BACH2: variants seen among roughly 807,000 people sequenced by gnomAD.
BACH2 encodes the protein BACH transcriptional regulator 2.
In BACH2, 5 loss-of-function variants were observed where a neutral mutation model predicts 61.8. The ratio of observed to expected loss-of-function variants is 0.08; its 90% CI spans 0.04 to 0.17. BACH2 has a LOEUF of 0.17. BACH2 is among the 10% of genes least tolerant of loss of function. BACH2 has a pLI of 1.00. For synonymous variants in BACH2, 446 were observed against 440.1 expected (o/e 1.01, Z -0.17); for missense variants, 824 against 1,091.1 (o/e 0.76, Z 3.45).
At chr6:89,948,669 A>T (rs1373088647) in intron 7 of BACH2, among the ~76,000 whole-genome samples, 1 of 152,200 alleles carries the variant, frequency 6.6e-6, no homozygotes, top group African/African-American at 2.4e-5. Context: ...AACAAAAGGA[A>T]AACCTCACAA....
intron 4 of BACH2, among the ~76,000 whole-genome samples, chr6:90,206,284 G>A (rs1053517104): frequency 6.6e-6 from 1 of 152,096 alleles, no homozygotes; most frequent in African/African-American, 2.4e-5. Flanking sequence ...TAGCCCCAGA[G>A]TCTCAATATT....
At chr6:90,189,469 G>A (rs563285180) in intron 4 of BACH2, among the ~76,000 whole-genome samples, 15 of 152,112 alleles carry the variant, frequency 9.9e-5, no homozygotes, top group African/African-American at 2.6e-4. Flanking sequence ...TTAGCCGGGC[G>A]CGGTGGCGGG....
At chr6:90,100,764 T>C (rs1048996863) in intron 4 of BACH2, among the ~76,000 whole-genome samples, 1 of 81,622 alleles carries the variant, frequency 1.2e-5, no homozygotes, top group Non-Finnish European at 2.6e-5. Context: ...CTATTGGTTC[T>C]ATTCTCTGCA....
intron 5 of BACH2, among the ~76,000 whole-genome samples, chr6:90,018,254 C>G (rs1475632720): frequency 6.6e-6 from 1 of 152,198 alleles, no homozygotes; most frequent in Non-Finnish European, 1.5e-5. Context: ...CTCTGAAGAT[C>G]TCTGGAGTTC....
chr6:90,015,298 A>G (rs1001219652), intron 5 of BACH2, among the ~76,000 whole-genome samples: 4 of 151,780 alleles, frequency 2.6e-5, no homozygotes, highest in African/African-American at 9.7e-5. Flanking sequence ...TCATTGTTAT[A>G]TCCTTTATTT....
At chr6:90,215,586 T>C (rs1265402876) in intron 3 of BACH2, among the ~76,000 whole-genome samples, 5 of 151,994 alleles carry the variant, frequency 3.3e-5, no homozygotes, top group Admixed American at 6.6e-5. Flanking sequence ...TTAGGACTTT[T>C]TGGGGTGGGT....
At position 89,931,056 on chromosome 6, in the gene BACH2, C is replaced by G. The variant is rs1202455279; in HGVS notation, c.*1352G>C. ...TGGTTGGCCCCGTCCTTCAGGGGAG[C>G]AGGTCCTACTGCACAACACTTCCAA... On this transcript the variant is annotated 3_prime_UTR_variant, in exon 9 of 9. Transcript: ENST00000257749. The G allele has an allele frequency of 6.6e-6, 1 of 152,400 alleles. No homozygotes were observed. The highest frequency in any genetic ancestry group is 1.5e-5 in the Non-Finnish European group (1 of 68,076). The allele number at this position is 152,400 out of a possible 1,614,324, so 9.4% of individuals were successfully genotyped here.
chr6:90,033,129 T>C (rs1201464148), intron 5 of BACH2, among the ~76,000 whole-genome samples: 1 of 151,834 alleles, frequency 6.6e-6, no homozygotes, highest in Non-Finnish European at 1.5e-5. Flanking sequence ...ACGCTGCATG[T>C]TCTCACTCAT....
At chr6:90,199,654 G>A (rs1217455412) in intron 4 of BACH2, among the ~76,000 whole-genome samples, 1 of 152,126 alleles carries the variant, frequency 6.6e-6, no homozygotes, top group African/African-American at 2.4e-5. Flanking sequence ...AGAGTCTGGA[G>A]GTCTAACTTG....
At chr6:90,098,587 C>T (rs962575855) in intron 4 of BACH2, among the ~76,000 whole-genome samples, 4 of 152,172 alleles carry the variant, frequency 2.6e-5, no homozygotes, top group Non-Finnish European at 4.4e-5. Flanking sequence ...CAGAACCAGA[C>T]GCATAGACAC....
chr6:89,998,689 TC>T (rs1355191196), intron 6 of BACH2, among the ~76,000 whole-genome samples: 9 of 151,572 alleles, frequency 5.9e-5, no homozygotes, highest in African/African-American at 2.2e-4. Flanking sequence ...CTTTCTTTTT[TC>T]CCTTTTTTTT....
At chr6:90,014,094 C>T (rs1160804362) in intron 5 of BACH2, among the ~76,000 whole-genome samples, 4 of 151,936 alleles carry the variant, frequency 2.6e-5, no homozygotes, top group African/African-American at 9.7e-5. Flanking sequence ...CTGTGTTTGC[C>T]TTCTTATACA....
At chr6:90,067,526 C>A (rs1192968241) in intron 5 of BACH2, among the ~76,000 whole-genome samples, 1 of 152,122 alleles carries the variant, frequency 6.6e-6, no homozygotes, top group Non-Finnish European at 1.5e-5. Flanking sequence ...CATGCCCCTT[C>A]CAGGGATTGG....
In BACH2 at chr6:89,931,091, G is replaced by A. The variant is rs1451991854; in HGVS notation, c.*1317C>T. 1 of 152,402 alleles carries A rather than the reference G, an allele frequency of 6.6e-6. No homozygotes were observed. The allele number at this position is 152,402 out of a possible 1,614,324, so 9.4% of individuals were successfully genotyped here. On this transcript the variant is annotated 3_prime_UTR_variant, in exon 9 of 9. Transcript: ENST00000257749. ...TGCACAACACTTCCAAGAGCAAGCC[G>A]AGGCCTCAGGACGTGTTGAAATGAA...
At chr6:90,090,608 A>C (rs1164230325) in intron 4 of BACH2, among the ~76,000 whole-genome samples, 1 of 152,176 alleles carries the variant, frequency 6.6e-6, no homozygotes, top group Non-Finnish European at 1.5e-5. Flanking sequence ...TTGACATAGC[A>C]AGAGAGAAAT....
intron 3 of BACH2, among the ~76,000 whole-genome samples, chr6:90,233,338 A>G (rs1356978984): frequency 6.6e-6 from 1 of 152,192 alleles, no homozygotes; most frequent in African/African-American, 2.4e-5. Flanking sequence ...GATGTACACC[A>G]AAGCCTTCTC....
intron 6 of BACH2, among the ~76,000 whole-genome samples, chr6:90,003,051 T>C (rs1777218764): frequency 6.6e-6 from 1 of 152,208 alleles, no homozygotes; most frequent in Non-Finnish European, 1.5e-5. Context: ...AGGTCACACC[T>C]GGGTTGCTGT....
intron 4 of BACH2, among the ~76,000 whole-genome samples, chr6:90,155,014 C>A (rs1489643156): frequency 2.6e-5 from 4 of 152,160 alleles, no homozygotes. Context: ...AGGGGCACTG[C>A]AAAGGGAGAG....
chr6:90,039,676 G>T (rs148766958), intron 5 of BACH2, among the ~76,000 whole-genome samples: 5 of 152,120 alleles, frequency 3.3e-5, no homozygotes, highest in Non-Finnish European at 7.4e-5. Flanking sequence ...AAGCCACTGC[G>T]CCTGGCCAAG....
Sources: gnomAD v4.1 joint callset for allele counts (sites outside exome capture counted in the v4.1 genomes callset) on GRCh38, gnomAD v4.1.1 for gene constraint, MANE v1.5 for transcripts, NCBI Gene and HGNC (gene_info 2026-07-23, HGNC 2026-07-21) for gene names.